MEI4: variants seen among roughly 807,000 people sequenced by gnomAD.
MEI4 encodes meiotic double-stranded break formation protein 4, also known as meiosis-specific protein MEI4.
In MEI4, 27 loss-of-function variants were observed where a neutral mutation model predicts 31.4. The observed-to-expected ratio is 0.86, with a 90% confidence interval of 0.63 to 1.19. MEI4 has a LOEUF of 1.19. Among genes scored for constraint, MEI4 ranks in the 50% most tolerant of loss-of-function variants. The pLI is 0.00. For missense variants in MEI4, 329 were observed against 398.9 expected, an observed-to-expected ratio of 0.82 and a Z score of 1.49; for synonymous variants, 122 against 145.4, an observed-to-expected ratio of 0.84 and a Z score of 1.16.
chr6:77,714,395 CATAAAT>C (rs1273046549), intron 2 of MEI4, among the ~76,000 whole-genome samples: 1 of 152,006 alleles, frequency 6.6e-6, no homozygotes, highest in African/African-American at 2.4e-5. Flanking sequence ...GGAGGTTTTC[CATAAAT>C]TTCACACATT....
intron 4 of MEI4, among the ~76,000 whole-genome samples, chr6:77,904,433 G>C (rs1359493063): frequency 1.3e-5 from 2 of 152,018 alleles, no homozygotes; most frequent in African/African-American, 4.8e-5. Context: ...GTACTCAATA[G>C]GTAGTTTTGC....
chr6:77,787,879 G>A (rs1768787770), intron 3 of MEI4, among the ~76,000 whole-genome samples: 1 of 152,120 alleles, frequency 6.6e-6, no homozygotes, highest in Non-Finnish European at 1.5e-5. Flanking sequence ...TGGTGGATAA[G>A]CTTTTTGATG....
chr6:77,700,424 GT>G (rs941616933), intron 2 of MEI4, among the ~76,000 whole-genome samples: 4 of 152,284 alleles, frequency 2.6e-5, no homozygotes, highest in African/African-American at 4.8e-5. Context: ...CTGGTGTGCC[GT>G]TTTTTAAGCC....
intron 1 of MEI4, among the ~76,000 whole-genome samples, chr6:77,680,115 CAAAAAAAAA>C (rs1220251759): frequency 2.5e-5 from 1 of 39,752 alleles, no homozygotes; most frequent in African/African-American, 1.2e-4. Flanking sequence ...ACTAAAAATA[CAAAAAAAAA>C]AAAAATTAGC....
At chr6:77,675,902 A>G (rs1199426994) in intron 1 of MEI4, among the ~76,000 whole-genome samples, 1 of 152,184 alleles carries the variant, frequency 6.6e-6, no homozygotes, top group Non-Finnish European at 1.5e-5. Context: ...TTTCATTGCT[A>G]TGGCTGTTCT....
rs535164615 is a variant in MEI4, at chr6:77,804,469, A to T, written c.769-24462A>T. On this transcript the variant is annotated intron_variant, in intron 3 of 4. Coordinates refer to ENST00000684080, the MANE Select transcript of MEI4 (RefSeq NM_001322247.2). ...GCGCTGCACCCACTGTCCTGCACCC[A>T]CTTTCCGACACTCGCCAGTGAGATG... Among the ~76,000 whole-genome samples, 68 of 152,140 alleles carry T rather than the reference A, an allele frequency of 4.5e-4. No homozygotes were observed. In the South Asian group the frequency reaches 0.014, roughly 32 times the overall value.
intron 1 of MEI4, among the ~76,000 whole-genome samples, chr6:77,669,743 T>A (rs1464306547): frequency 6.6e-6 from 1 of 152,244 alleles, no homozygotes. Context: ...TTGTGTTAAA[T>A]CCTTTACCTG....
chr6:77,713,147 G>A (rs571576515), intron 2 of MEI4, among the ~76,000 whole-genome samples: 39 of 152,140 alleles, frequency 2.6e-4, no homozygotes, highest in Middle Eastern at 3.4e-3. Flanking sequence ...AACTTCTTTG[G>A]AGCAAGTTGC....
chr6:77,917,893 G>T (rs2127741337), intron 4 of MEI4, among the ~76,000 whole-genome samples: 1 of 147,692 alleles, frequency 6.8e-6, no homozygotes, highest in Non-Finnish European at 1.5e-5. Flanking sequence ...GGGTTTTTAT[G>T]GTTTTAGGTC....
At chr6:77,870,272 G>T (rs1250317729) in intron 4 of MEI4, among the ~76,000 whole-genome samples, 1 of 152,120 alleles carries the variant, frequency 6.6e-6, no homozygotes, top group Non-Finnish European at 1.5e-5. Context: ...CAATCACACA[G>T]TCACCAGGGT....
At chr6:77,684,745 C>T (rs1454276988) in intron 1 of MEI4, among the ~76,000 whole-genome samples, 1 of 152,108 alleles carries the variant, frequency 6.6e-6, no homozygotes, top group Non-Finnish European at 1.5e-5. Flanking sequence ...TTTCTTTTAA[C>T]ATTAATCTGT....
intron 2 of MEI4, among the ~76,000 whole-genome samples, chr6:77,752,584 A>C (rs2127678487): frequency 6.6e-6 from 1 of 152,340 alleles, no homozygotes; most frequent in South Asian, 2.1e-4. Context: ...GAGAACTACA[A>C]ACCACTGCTT....
At chr6:77,843,690 C>T (rs917583132) in intron 4 of MEI4, among the ~76,000 whole-genome samples, 1 of 151,968 alleles carries the variant, frequency 6.6e-6, no homozygotes, top group African/African-American at 2.4e-5. Flanking sequence ...GTTGTAATGG[C>T]CTCTACTTTC....
intron 3 of MEI4, among the ~76,000 whole-genome samples, chr6:77,795,061 G>C (rs1769041272): frequency 6.6e-6 from 1 of 152,114 alleles, no homozygotes; most frequent in Non-Finnish European, 1.5e-5. Flanking sequence ...TAGCTTATGG[G>C]TTGTAGTAAA....
At chr6:77,920,268 G>A (rs894835149) in intron 4 of MEI4, among the ~76,000 whole-genome samples, 8 of 152,038 alleles carry the variant, frequency 5.3e-5, no homozygotes, top group Middle Eastern at 3.4e-3. Context: ...CTGGCAAATC[G>A]AATCCAGCAG....
chr6:77,866,564 G>A (rs985842627), intron 4 of MEI4, among the ~76,000 whole-genome samples: 7 of 152,212 alleles, frequency 4.6e-5, no homozygotes, highest in Admixed American at 2.6e-4. Flanking sequence ...CCACTGCTCA[G>A]TGAAATAAAA....
At chr6:77,837,868 T>G (rs1047661408) in intron 4 of MEI4, among the ~76,000 whole-genome samples, 3 of 152,152 alleles carry the variant, frequency 2.0e-5, no homozygotes, top group Non-Finnish European at 4.4e-5. Context: ...GTGCTTATTA[T>G]CCTTTATAAC....
intron 4 of MEI4, among the ~76,000 whole-genome samples, chr6:77,883,715 A>AAGAT (rs1771542232): frequency 1.5e-5 from 1 of 65,608 alleles, no homozygotes; most frequent in Non-Finnish European, 2.9e-5. Flanking sequence ...GCTATTATGT[A>AAGAT]AGATATATAT....
intron 4 of MEI4, among the ~76,000 whole-genome samples, chr6:77,856,933 G>T (rs956321040): frequency 2.0e-5 from 3 of 152,040 alleles, no homozygotes; most frequent in African/African-American, 7.2e-5. Context: ...TAATTATTTG[G>T]ACTAAACTCT....
Sources: gnomAD v4.1 joint callset for allele counts (sites outside exome capture counted in the v4.1 genomes callset) on GRCh38, gnomAD v4.1.1 for gene constraint, MANE v1.5 for transcripts, NCBI Gene and HGNC (gene_info 2026-07-23, HGNC 2026-07-21) for gene names.